Variants in SPTBN1 observed in about 807,000 individuals in gnomAD.
SPTBN1 encodes the protein spectrin beta, non-erythrocytic 1.
In SPTBN1, 32 loss-of-function variants were observed where a neutral mutation model predicts 266.4. The observed-to-expected ratio is 0.12, with a 90% CI of 0.09 to 0.16. SPTBN1 has a LOEUF of 0.16. SPTBN1 is among the 10% of genes least tolerant of loss of function. The pLI, the probability that SPTBN1 is intolerant of heterozygous loss-of-function variation, is 1.00. For synonymous variants in SPTBN1, 1,336 were observed against 1,162.2 expected, an observed-to-expected ratio of 1.15 and a Z score of -3.04; for missense variants, 2,296 against 3,067.1, an observed-to-expected ratio of 0.75 and a Z score of 5.94.
intron 32 of SPTBN1, chr2:54,660,503 G>A (rs768757704): frequency 3.6e-4 from 357 of 986,762 alleles, no homozygotes; most frequent in Non-Finnish European, 4.2e-4. Context: ...CTATTAACTA[G>A]GAAGACTGGT....
intron 1 of SPTBN1, among the ~76,000 whole-genome samples, chr2:54,470,408 C>T (rs980356718): frequency 7.9e-5 from 12 of 152,208 alleles, no homozygotes; most frequent in African/African-American, 2.7e-4. Context: ...TTGAGAACTG[C>T]TTCTCAGTCT....
At position 54,522,330 on chromosome 2, in the gene SPTBN1, C is replaced by T. The variant is rs1451717809; in HGVS notation, c.-47-4042C>T. Among the ~76,000 whole-genome samples, 5 of 152,122 alleles carry T rather than the reference C, an allele frequency of 3.3e-5. No homozygotes were observed. The South Asian group carries it at 1.0e-3, about 32-fold the overall frequency. On this transcript the variant is annotated intron_variant, in intron 1 of 35. Transcript: ENST00000356805. The stretch of plus-strand genomic sequence containing the variant: ...AGCTTAAGACAAGAATTATCACTTA[C>T]TTACTAAGTAATCTGTGGGCTGGGC...
In SPTBN1 at chr2:54,658,031, G is replaced by C; in HGVS notation, c.6228G>C (p.Leu2076=). Residue 2076 remains leucine (L), a synonymous_variant, in exon 30 of 36, where the codon CTG becomes CTC. Coordinates refer to ENST00000356805, the MANE Select transcript of SPTBN1 (RefSeq NM_003128.3). Reference sequence around the variant, plus strand: ...CCTGGGATGAGAGGTTCTCTGCCCTGGAAAGGCTGACTACAGTAAGTGGCC... The same window carrying C: ...CCTGGGATGAGAGGTTCTCTGCCCTCGAAAGGCTGACTACAGTAAGTGGCC... ...AATWDERFSA[L]ERLTTLELLE... 1.2e-6 allele frequency: 2 copies of C among 1,614,254 alleles called. No homozygotes were observed. The highest frequency in any genetic ancestry group is 1.7e-6 in the Non-Finnish European group (2 of 1,180,044).
Position 54,459,602 on chromosome 2 carries a change from A to C in SPTBN1, c.-48+3084A>C, listed in dbSNP as rs534479304. 5.1e-5 allele frequency among the ~76,000 whole-genome samples: 7 copies of C among 137,776 alleles called. No homozygotes were observed. The East Asian group carries it at 9.8e-4, about 19-fold the overall frequency. 90.4% of individuals were successfully genotyped at this position (137,776 alleles called of 152,430 possible). A position where few individuals can be genotyped will look rare whatever the true frequency, so the allele number is the denominator to read the frequency against. On this transcript the variant is annotated intron_variant, in intron 1 of 35. Transcript: ENST00000356805. ...ATTCTTATAGAACATTTTAAAGCCT[A>C]ATTTTTTTTACGTGCAATGACATGA...
At chr2:54,471,535 G>A (rs1389274510) in intron 1 of SPTBN1, among the ~76,000 whole-genome samples, 2 of 151,650 alleles carry the variant, frequency 1.3e-5, no homozygotes, top group Non-Finnish European at 2.9e-5. Flanking sequence ...TAAATGGCAG[G>A]TTGGTTGTGT....
Position 54,649,693 on chromosome 2 carries a change from C to A in SPTBN1, c.5281C>A (p.Leu1761Met). 1 of 1,614,192 alleles carries A rather than the reference C, an allele frequency of 6.2e-7. No individual in the cohort carries two copies. Among genetic ancestry groups the A allele is most frequent in the Non-Finnish European group, 8.5e-7 (1 of 1,180,020 alleles). ...GQERVDTVNH[L>M]ADELINSGHS... ...GGAGCGCGTGGACACGGTCAATCAC[C>A]TGGCAGATGAGCTCATCAACTCTGG... is the stretch of plus-strand genomic sequence containing the variant. The change falls in exon 26 of 36, where the codon CTG becomes ATG. Residue 1761 changes from leucine (L) to methionine (M), a missense_variant. Transcript: ENST00000356805. The surrounding 1 kb of genome is among the most constrained non-coding windows in gnomAD (Gnocchi z 6.7).
In SPTBN1 at chr2:54,668,575, T is replaced by C. The variant is rs1681540270; in HGVS notation, c.*6T>C. On this transcript the variant is annotated 3_prime_UTR_variant, in exon 36 of 36. Coordinates refer to ENST00000356805, the MANE Select transcript of SPTBN1 (RefSeq NM_003128.3). ...TTTTTGGCAAAAAGAAATGAACTCC[T>C]TTCCTTCACCTCCTGCCCTTCTCTT... 6.2e-7 allele frequency: 1 copy of C among 1,604,674 alleles called. No homozygotes were observed. Among genetic ancestry groups the C allele is most frequent in the Non-Finnish European group, 8.5e-7 (1 of 1,175,390 alleles).
chr2:54,653,557 G>A lies in SPTBN1; in HGVS notation c.5578-52G>A. On this transcript the variant is annotated intron_variant, in intron 26 of 35. Transcript: ENST00000356805. The surrounding 1 kb of genome is among the most constrained non-coding windows in gnomAD (Gnocchi z 5.1). ...GAACAGAATAGGGCTTGGGGTGATG[G>A]TGGGAAGGCCGCCATGGGCTGACCT... 6.3e-7 allele frequency: 1 copy of A among 1,594,934 alleles called. No individual in the cohort carries two copies. Among genetic ancestry groups the A allele is most frequent in the Non-Finnish European group, 8.5e-7 (1 of 1,174,944 alleles).
At chr2:54,659,021 G>A in intron 30 of SPTBN1, 133 bp from the exon 31 acceptor site, 1 of 838,194 alleles carries the variant, frequency 1.2e-6, no homozygotes, top group Non-Finnish European at 1.9e-6. Context: ...TTTGGCTCAG[G>A]ATGTTAGAGC....
Position 54,654,579 on chromosome 2 carries a change from T to C in SPTBN1, c.5823-491T>C, listed in dbSNP as rs28364814. Among the ~76,000 whole-genome samples, 17 of 152,340 alleles carry C rather than the reference T, an allele frequency of 1.1e-4. No homozygotes were observed. The East Asian group carries it at 1.7e-3, about 16-fold the overall frequency. ...GGTTTTGATCCATGCTGGTCACTGC[T>C]GTCTAGGCTAGTTCCCATCCTGTGT... On this transcript the variant is annotated intron_variant, in intron 27 of 35. Coordinates refer to ENST00000356805, the MANE Select transcript of SPTBN1 (RefSeq NM_003128.3).
Position 54,558,261 on chromosome 2 carries a change from C to T in SPTBN1, c.148+31695C>T. 1.0e-6 allele frequency: 1 copy of T among 985,392 alleles called. No individual in the cohort carries two copies. The highest frequency in any genetic ancestry group is 5.2e-4 in the Middle Eastern group (1 of 1,912). The allele number at this position is 985,392 out of a possible 1,614,324, so 61.0% of individuals were successfully genotyped here. On this transcript the variant is annotated intron_variant, in intron 2 of 35. Transcript: ENST00000356805. The surrounding 1 kb of genome is among the most constrained non-coding windows in gnomAD (Gnocchi z 4.6). ...CGCGGGCCGGCTAGGCTCCCCCGCGCCCCTCCTCGTGGTATAGCCTGCATT... is the reference window on the plus strand; with the variant it reads ...CGCGGGCCGGCTAGGCTCCCCCGCGTCCCTCCTCGTGGTATAGCCTGCATT...
chr2:54,593,412 C>G (rs57381328), intron 2 of SPTBN1, among the ~76,000 whole-genome samples: 5,323 of 152,144 alleles, frequency 0.035, 315 homozygotes, highest in African/African-American at 0.12. Context: ...TCTTTTTGTC[C>G]TTTTTTCACT....
chr2:54,652,320 CTTATT>C (rs1558471836), intron 26 of SPTBN1, among the ~76,000 whole-genome samples: 2 of 152,164 alleles, frequency 1.3e-5, no homozygotes, highest in African/African-American at 4.8e-5. Context: ...AGAATGTAAT[CTTATT>C]TTTGTTTTTA....
At chr2:54,610,219 C>T (rs568606825) in intron 3 of SPTBN1, among the ~76,000 whole-genome samples, 2 of 152,292 alleles carry the variant, frequency 1.3e-5, no homozygotes, top group African/African-American at 4.8e-5. Context: ...GTGAACCTTT[C>T]CTGGTTCTGA....
At chr2:54,510,639 A>G (rs956998742) in intron 1 of SPTBN1, among the ~76,000 whole-genome samples, 2 of 152,246 alleles carry the variant, frequency 1.3e-5, no homozygotes, top group Non-Finnish European at 2.9e-5. Flanking sequence ...TATGTTGCAG[A>G]TATTTTGGGA....
chr2:54,653,401 A>G lies in SPTBN1; in HGVS notation c.5578-208A>G, dbSNP rs1680432963. The stretch of plus-strand genomic sequence containing the variant: ...TTCATTTGTTTTATCATTCATAAAG[A>G]ACTTAATAATGTAGTTGAACAGATT... On this transcript the variant is annotated intron_variant, in intron 26 of 35. Transcript: ENST00000356805. The surrounding 1 kb of genome is among the most constrained non-coding windows in gnomAD (Gnocchi z 5.1). 1 of 659,060 alleles carries G rather than the reference A, an allele frequency of 1.5e-6. No individual in the cohort carries two copies. Among genetic ancestry groups the G allele is most frequent in the South Asian group, 2.5e-5 (1 of 39,842 alleles). The allele number at this position is 659,060 out of a possible 1,614,324, so 40.8% of individuals were successfully genotyped here.
At chr2:54,457,678 C>G (rs1350947106) in intron 1 of SPTBN1, among the ~76,000 whole-genome samples, 1 of 152,180 alleles carries the variant, frequency 6.6e-6, no homozygotes, top group Non-Finnish European at 1.5e-5. Flanking sequence ...CACGGCCGCT[C>G]GGCGCCTGCG....
At chr2:54,656,397 T>A (rs1301685462) in intron 29 of SPTBN1, among the ~76,000 whole-genome samples, 1 of 152,220 alleles carries the variant, frequency 6.6e-6, no homozygotes, top group Non-Finnish European at 1.5e-5. Flanking sequence ...AAAACTAACA[T>A]CTATTAAAAT....
chr2:54,659,203 G>C lies in SPTBN1; in HGVS notation c.6293G>C (p.Arg2098Thr). 1 of 1,614,136 alleles carries C rather than the reference G, an allele frequency of 6.2e-7. No individual in the cohort carries two copies. Among genetic ancestry groups the C allele is most frequent in the Non-Finnish European group, 8.5e-7 (1 of 1,180,014 alleles). Residue 2098 changes from arginine to threonine, a missense_variant, in exon 31 of 36, where the codon AGG becomes ACG. Physicochemically the swap from Arg to Thr is moderately conservative, Grantham distance 71 (BLOSUM62 -1). Transcript: ENST00000356805. ...RRQQEEEERK[R>T]RPPSPEPSTK... ...CAGCAAGAGGAAGAGGAGAGGAAGA[G>C]GCGGCCGCCTTCTCCCGAGCCGAGC...
Sources: gnomAD v4.1 joint callset for allele counts (sites outside exome capture counted in the v4.1 genomes callset) on GRCh38, gnomAD v4.1.1 for gene constraint, Gnocchi (gnomAD v3.1) non-coding constraint, MANE v1.5 for transcripts, NCBI Gene and HGNC (gene_info 2026-07-23, HGNC 2026-07-21) for gene names.